Variants in KANSL1 observed in about 807,000 individuals in gnomAD.
The protein encoded by KANSL1 is MLL1/MLL complex subunit KANSL1.
A neutral mutation model predicts 103.6 loss-of-function variants in KANSL1; 22 were observed. The ratio of observed to expected loss-of-function variants is 0.21; its 90% confidence interval spans 0.15 to 0.30. The LOEUF (loss-of-function observed/expected upper bound fraction) is 0.30. Ranked by LOEUF, KANSL1 falls within the 10% of genes least tolerant of loss-of-function variation. KANSL1 has a pLI of 1.00. For missense variants in KANSL1, 1,337 were observed against 1,399.8 expected, an observed-to-expected ratio of 0.96 and a Z score of 0.72; for synonymous variants, 600 against 527.6, an observed-to-expected ratio of 1.14 and a Z score of -1.88.
chr17:46,113,003 G>T (rs2042889020), intron 2 of KANSL1, among the ~76,000 whole-genome samples: 1 of 152,168 alleles, frequency 6.6e-6, no homozygotes, highest in South Asian at 2.1e-4. Flanking sequence ...TTACAGGCGT[G>T]AGCCACCAGG....
At chr17:46,066,428 G>T in intron 6 of KANSL1, 109 bp downstream of exon 6, 1 of 875,120 alleles carries the variant, frequency 1.1e-6, no homozygotes, top group Non-Finnish European at 1.7e-6. Flanking sequence ...CTCCCCAGAA[G>T]ACCTTGGTGG....
At chr17:46,165,013 A>G (rs1183902563) in intron 2 of KANSL1, among the ~76,000 whole-genome samples, 1 of 152,196 alleles carries the variant, frequency 6.6e-6, no homozygotes. Flanking sequence ...AGGCTGAGGC[A>G]GGAAGATCAC....
rs145825081 is a variant in KANSL1 at position 46,059,341 on chromosome 17, G to A, written c.1848+7196C>T. ...GGATATGCTAAGAGGAAAGGAGGCT[G>A]GGCACAGTGGCTCACACCTGTAATC... On this transcript the variant is annotated intron_variant, in intron 6 of 14. Coordinates refer to ENST00000432791, the MANE Select transcript of KANSL1 (RefSeq NM_015443.4). Among the ~76,000 whole-genome samples, 459 of 152,100 alleles carry A rather than the reference G, an allele frequency of 3.0e-3. 2 individuals carry two copies. The highest frequency in any genetic ancestry group is 5.2e-3 in the Non-Finnish European group (353 of 67,976).
chr17:46,044,164 T>C (rs1039236353), intron 7 of KANSL1: 1 of 152,196 alleles, frequency 6.6e-6, no homozygotes, highest in Non-Finnish European at 1.5e-5. Context: ...CAGAGATCCA[T>C]TCAGCTAGAG....
intron 1 of KANSL1, among the ~76,000 whole-genome samples, chr17:46,216,398 G>A (rs1289074459): frequency 5.3e-5 from 8 of 151,440 alleles, no homozygotes; most frequent in African/African-American, 1.2e-4. Context: ...TCAGGAGTTC[G>A]AGACCAGCCT....
At chr17:46,153,775 G>C (rs1040245869) in intron 2 of KANSL1, among the ~76,000 whole-genome samples, 2 of 152,206 alleles carry the variant, frequency 1.3e-5, no homozygotes, top group African/African-American at 4.8e-5. Context: ...AAAGAAGAGA[G>C]AGAAACTAAG....
At position 46,172,181 on chromosome 17, in the gene KANSL1, G is replaced by GCCGA; in HGVS notation, c.-42_-39dup. ...GACAGGAAGTCCAGCCTCTCCCGAT[G>GCCGA]CCGAGGCCGAGGCCAGCTCCACGGC... On this transcript the variant is annotated 5_prime_UTR_variant, in exon 2 of 15. Coordinates refer to ENST00000432791, the MANE Select transcript of KANSL1 (RefSeq NM_015443.4). 6.4e-7 allele frequency: 1 copy of GCCGA among 1,570,080 alleles called. No homozygotes were observed.
chr17:46,078,051 G>A (rs1307449387), intron 4 of KANSL1, among the ~76,000 whole-genome samples: 1 of 152,000 alleles, frequency 6.6e-6, no homozygotes, highest in Non-Finnish European at 1.5e-5. Context: ...TCTGAATTTA[G>A]TTAGCTTTTC....
At chr17:46,113,597 C>T (rs1410075311) in intron 2 of KANSL1, among the ~76,000 whole-genome samples, 14 of 151,224 alleles carry the variant, frequency 9.3e-5, no homozygotes, top group Admixed American at 5.9e-4. Flanking sequence ...ATTCAAGATA[C>T]TCCTCAGTTC....
chr17:46,154,005 T>C (rs1365864056), intron 2 of KANSL1, among the ~76,000 whole-genome samples: 3 of 152,226 alleles, frequency 2.0e-5, no homozygotes, highest in Non-Finnish European at 2.9e-5. Context: ...TATACCCCCC[T>C]CTAAATCAGA....
At chr17:46,069,633 C>T (rs2146686749) in intron 4 of KANSL1, among the ~76,000 whole-genome samples, 1 of 151,998 alleles carries the variant, frequency 6.6e-6, no homozygotes, top group East Asian at 1.9e-4. Flanking sequence ...AATCCCAGCT[C>T]CTCCGGGAGG....
chr17:46,038,075 A>G (rs945656828), intron 10 of KANSL1: 1 of 158,350 alleles, frequency 6.3e-6, no homozygotes, highest in Admixed American at 6.3e-5. Flanking sequence ...GTTTATTCTT[A>G]GTACTTCACC....
chr17:46,156,840 A>ACTGAG (rs2045457876), intron 2 of KANSL1: 1 of 152,840 alleles, frequency 6.5e-6, no homozygotes, highest in Non-Finnish European at 1.4e-5. Context: ...TGGAGGTTGC[A>ACTGAG]CTGAGCTGAG....
At chr17:46,193,884 G>A (rs1313424260), upstream of KANSL1, 3 of 156,134 alleles carry the variant, frequency 1.9e-5, no homozygotes, top group African/African-American at 7.2e-5. Context: ...GTAGTAAAGA[G>A]GGTAAGGCCG....
intron 2 of KANSL1, among the ~76,000 whole-genome samples, chr17:46,151,547 C>T (rs2147495462): frequency 6.6e-6 from 1 of 152,336 alleles, no homozygotes; most frequent in South Asian, 2.1e-4. Context: ...AGCCTTCGGT[C>T]ATTATTTACT....
intron 2 of KANSL1, among the ~76,000 whole-genome samples, chr17:46,161,124 G>A (rs2532290): frequency 0.12 from 18,620 of 149,956 alleles, 24 homozygotes; most frequent in Middle Eastern, 0.19. Context: ...GGTTAAAAAC[G>A]TTGTTCCCAG....
chr17:46,172,138 A>C lies in KANSL1; in HGVS notation c.6T>G (p.Ala2=). 1 of 1,603,428 alleles carries C rather than the reference A, an allele frequency of 6.2e-7. No individual in the cohort carries two copies. Among genetic ancestry groups the C allele is most frequent in the Non-Finnish European group, 8.5e-7 (1 of 1,179,914 alleles). The part of the protein sequence containing the change: M[A]AMAPALTDAA... ...CGTCAGTGAGAGCGGGCGCCATCGCAGCCATTCAGCACAGAGAGACAGGAA... is the reference window on the plus strand; with the variant it reads ...CGTCAGTGAGAGCGGGCGCCATCGCCGCCATTCAGCACAGAGAGACAGGAA... The change falls in exon 2 of 15, where the codon GCT becomes GCG. Residue 2 remains alanine (A), a synonymous_variant. Coordinates refer to ENST00000432791, the MANE Select transcript of KANSL1 (RefSeq NM_015443.4).
At chr17:46,206,889 T>G (rs2047986207) in intron 1 of KANSL1, among the ~76,000 whole-genome samples, 1 of 151,926 alleles carries the variant, frequency 6.6e-6, no homozygotes, top group African/African-American at 2.4e-5. Context: ...AACCCATAGA[T>G]GGGAGAAAAT....
chr17:46,058,743 A>ACACTCT (rs2078032998), intron 6 of KANSL1, among the ~76,000 whole-genome samples: 10 of 68,026 alleles, frequency 1.5e-4, no homozygotes, highest in Admixed American at 3.2e-4. Flanking sequence ...ACACACACAC[A>ACACTCT]CTCTCTCTCT....
Sources: allele counts gnomAD v4.1 joint callset (sites outside exome capture counted in the v4.1 genomes callset), GRCh38; gene constraint gnomAD v4.1.1; transcripts MANE v1.5; gene names NCBI Gene and HGNC (gene_info 2026-07-23, HGNC 2026-07-21).